SCD5: variants seen among roughly 807,000 people sequenced by gnomAD.
The protein encoded by SCD5 is stearoyl-CoA desaturase 5, also known as acyl-CoA-desaturase 4.
Under a neutral mutation model 30.4 loss-of-function variants are expected in SCD5, and 20 were observed. The observed-to-expected ratio is 0.66, with a 90% CI of 0.46 to 0.96. SCD5 has a LOEUF of 0.96. Ranked by LOEUF, SCD5 falls within the 40% of genes least tolerant of loss-of-function variation. The pLI is 0.00. For synonymous variants in SCD5, 173 were observed against 176.4 expected (o/e 0.98, Z 0.16); for missense variants, 381 against 443.3 (o/e 0.86, Z 1.26).
chr4:82,635,222 C>T (rs6855705), intron 4 of SCD5, among the ~76,000 whole-genome samples: 34,354 of 152,084 alleles, frequency 0.23, 4,264 homozygotes, highest in East Asian at 0.35. Context: ...TAGCCTGAGG[C>T]CTCTGAAGTA....
At chr4:82,751,130 A>G (rs915233478) in intron 1 of SCD5, among the ~76,000 whole-genome samples, 4 of 151,588 alleles carry the variant, frequency 2.6e-5, no homozygotes, top group Admixed American at 6.6e-5. Flanking sequence ...TAAGCCCATA[A>G]TAAGTATCGG....
At chr4:82,768,413 T>C (rs1424715013) in intron 1 of SCD5, among the ~76,000 whole-genome samples, 1 of 152,046 alleles carries the variant, frequency 6.6e-6, no homozygotes, top group Non-Finnish European at 1.5e-5. Context: ...GGAACAATAT[T>C]CTAGTAAGTT....
chr4:82,703,240 A>T (rs1719894320), intron 2 of SCD5, among the ~76,000 whole-genome samples: 1 of 152,184 alleles, frequency 6.6e-6, no homozygotes, highest in Admixed American at 6.5e-5. Context: ...TTCAAATTTG[A>T]TGGTTTCTAA....
At chr4:82,704,821 G>A (rs1164200279) in intron 2 of SCD5, among the ~76,000 whole-genome samples, 1 of 152,192 alleles carries the variant, frequency 6.6e-6, no homozygotes, top group Non-Finnish European at 1.5e-5. Context: ...AGCCCTGAAT[G>A]TACTGCTTTT....
chr4:82,756,192 C>G (rs1444876197), intron 1 of SCD5, among the ~76,000 whole-genome samples: 1 of 152,186 alleles, frequency 6.6e-6, no homozygotes, highest in African/African-American at 2.4e-5. Context: ...TCAATGGCAC[C>G]ATCACCCACT....
chr4:82,740,884 T>C (rs72906457), intron 1 of SCD5, among the ~76,000 whole-genome samples: 22,089 of 151,880 alleles, frequency 0.15, 2,857 homozygotes, highest in African/African-American at 0.35. Flanking sequence ...TTAGAAACTA[T>C]AGGGGAGGGT....
intron 1 of SCD5, among the ~76,000 whole-genome samples, chr4:82,792,956 A>G (rs752816369): frequency 6.6e-6 from 1 of 152,198 alleles, no homozygotes; most frequent in Admixed American, 6.5e-5. Context: ...AAATTGAGTT[A>G]ATAATGTTAA....
intron 1 of SCD5, among the ~76,000 whole-genome samples, chr4:82,757,040 T>C (rs1016399736): frequency 6.6e-6 from 1 of 152,002 alleles, no homozygotes; most frequent in East Asian, 1.9e-4. Context: ...CCCACTCCCA[T>C]TCTCAAAACC....
intron 3 of SCD5, among the ~76,000 whole-genome samples, chr4:82,650,518 A>T (rs1203030933): frequency 6.6e-6 from 1 of 152,194 alleles, no homozygotes; most frequent in Non-Finnish European, 1.5e-5. Flanking sequence ...CAACATGGCA[A>T]AACCGCGTCT....
intron 2 of SCD5, among the ~76,000 whole-genome samples, chr4:82,695,423 G>A (rs1467233025): frequency 6.6e-6 from 1 of 152,184 alleles, no homozygotes; most frequent in Non-Finnish European, 1.5e-5. Context: ...TGAGAAGTGT[G>A]CAGATTCAAG....
intron 1 of SCD5, among the ~76,000 whole-genome samples, chr4:82,717,592 T>C (rs1720255813): frequency 1.3e-5 from 2 of 151,894 alleles, no homozygotes; most frequent in Non-Finnish European, 1.5e-5. Context: ...TTAATATCTC[T>C]GCCTATAAAT....
chr4:82,761,346 T>A (rs1721359132), intron 1 of SCD5, among the ~76,000 whole-genome samples: 1 of 152,188 alleles, frequency 6.6e-6, no homozygotes, highest in Non-Finnish European at 1.5e-5. Flanking sequence ...ATATGTTCTG[T>A]CCTGGGTCCT....
intron 1 of SCD5, among the ~76,000 whole-genome samples, chr4:82,708,080 G>C (rs947306105): frequency 1.3e-5 from 2 of 152,132 alleles, no homozygotes; most frequent in South Asian, 2.1e-4. Flanking sequence ...TGTTGCATGG[G>C]GTAGGGGGTG....
chr4:82,650,582 G>C (rs1008234652), intron 3 of SCD5, among the ~76,000 whole-genome samples: 2 of 152,108 alleles, frequency 1.3e-5, no homozygotes, highest in Non-Finnish European at 2.9e-5. Context: ...TGTGGGCCCA[G>C]CTATTCTGGA....
chr4:82,671,389 A>G (rs1608942), intron 3 of SCD5, among the ~76,000 whole-genome samples: 143,627 of 152,266 alleles, frequency 0.94, 67,854 homozygotes, highest in East Asian at 1. Flanking sequence ...TCAATCCACA[A>G]GATATAATTG....
chr4:82,648,855 G>A (rs1185014239), intron 3 of SCD5, among the ~76,000 whole-genome samples: 1 of 152,146 alleles, frequency 6.6e-6, no homozygotes, highest in African/African-American at 2.4e-5. Context: ...CGGTCGTGCC[G>A]AGACTAAGAG....
intron 2 of SCD5, among the ~76,000 whole-genome samples, chr4:82,696,601 C>G (rs1578025928): frequency 6.6e-6 from 1 of 152,264 alleles, no homozygotes; most frequent in African/African-American, 2.4e-5. Flanking sequence ...AGGAATAACA[C>G]AGATGGATCC....
Position 82,670,347 on chromosome 4 carries a change from A to AT in SCD5, c.569+10359dup, listed in dbSNP as rs148723454. Among the ~76,000 whole-genome samples, 1,500 of 152,314 alleles carry AT rather than the reference A, an allele frequency of 9.8e-3. 28 individuals are homozygous for AT. The highest frequency in any genetic ancestry group is 0.035 in the African/African-American group (1,440 of 41,564). On this transcript the variant is annotated intron_variant, in intron 3 of 4. Transcript: ENST00000319540. ...ACAGAACCACAAAGAAATGATAGAG[A>AT]TAAAAAATGCTGTAACAGAAGTGAA...
Position 82,798,552 on chromosome 4 carries a change from G to A in SCD5, c.-15C>T. 1.3e-6 allele frequency: 2 copies of A among 1,558,626 alleles called. No homozygotes were observed. Among genetic ancestry groups the A allele is most frequent in the South Asian group, 1.2e-5 (1 of 84,456 alleles). ...GGGCCTGGCATGGCTGGGCGAGGTG[G>A]GCGCCCGCAGCAGCGGCAGGCAGGC... On this transcript the variant is annotated 5_prime_UTR_variant, in exon 1 of 5. Coordinates refer to ENST00000319540, the MANE Select transcript of SCD5 (RefSeq NM_001037582.3).
Sources: gnomAD v4.1 joint callset for allele counts (sites outside exome capture counted in the v4.1 genomes callset) on GRCh38, gnomAD v4.1.1 for gene constraint, MANE v1.5 for transcripts, NCBI Gene and HGNC (gene_info 2026-07-23, HGNC 2026-07-21) for gene names.